DOCK5: variants seen among roughly 807,000 people sequenced by gnomAD.
DOCK5 encodes dedicator of cytokinesis 5, also known as dedicator of cytokinesis protein 5.
In DOCK5, 142 loss-of-function variants were observed where a neutral mutation model predicts 251.8. That is an observed-to-expected ratio of 0.56 (90% confidence interval 0.49 to 0.65). The LOEUF (loss-of-function observed/expected upper bound fraction) is 0.65, where lower values mean the gene tolerates loss of function less well. DOCK5 is among the 30% of genes least tolerant of loss of function. The probability of loss-of-function intolerance (pLI) is 0.00; values close to 1 mark genes in which losing one functional copy is unlikely to be tolerated. For synonymous variants in DOCK5, 842 were observed against 835.5 expected (o/e 1.01, Z -0.13); for missense variants, 2,111 against 2,312.3 (o/e 0.91, Z 1.79).
Position 25,337,926 on chromosome 8 carries a change from G to A in DOCK5, c.2327+1553G>A, listed in dbSNP as rs1362305867. ...GATAAAACAAAGGTATTAAGCATGAGTACAGTATGATCTTCCTTTTAAAAT... is the reference window on the plus strand; with the variant it reads ...GATAAAACAAAGGTATTAAGCATGAATACAGTATGATCTTCCTTTTAAAAT... On this transcript the variant is annotated intron_variant, in intron 22 of 51. Transcript: ENST00000276440. 5.3e-5 allele frequency among the ~76,000 whole-genome samples: 8 copies of A among 152,046 alleles called. 1 individual carries two copies. The highest frequency in any genetic ancestry group is 4.6e-4 in the Admixed American group (7 of 15,260).
Position 25,292,165 on chromosome 8 carries a change from G to T in DOCK5, c.463G>T (p.Gly155Trp). 2 of 1,575,724 alleles carry T rather than the reference G, an allele frequency of 1.3e-6. No homozygotes were observed. Among genetic ancestry groups the T allele is most frequent in the East Asian group, 2.3e-5 (1 of 43,224 alleles). The part of the protein sequence containing the change: ...KKKVTAKIDH[G>W]NRMLGLDLVV... ...GAAAGTCACAGCCAAAATTGATCAT[G>T]GGAACAGGTAGGTAAACCAGGGATG... is the stretch of plus-strand genomic sequence containing the variant. The change falls in exon 6 of 52, where the codon GGG becomes TGG. Residue 155 changes from glycine (G) to tryptophan (W), a missense_variant. Gly to Trp is a radical substitution (Grantham distance 184, BLOSUM62 -2). Transcript: ENST00000276440.
chr8:25,363,335 C>T (rs555116954), intron 29 of DOCK5, among the ~76,000 whole-genome samples, 194 bp downstream of exon 29: 7 of 152,308 alleles, frequency 4.6e-5, no homozygotes, highest in Admixed American at 2.0e-4. Context: ...TGCTCCACCT[C>T]GGGCTCTCTA....
chr8:25,368,438 A>T (rs1800816831), intron 32 of DOCK5, 133 bp from the exon 33 acceptor site: 1 of 1,159,184 alleles, frequency 8.6e-7, no homozygotes. Context: ...ACATGCTATC[A>T]GAATCTGAGT....
intron 22 of DOCK5, among the ~76,000 whole-genome samples, chr8:25,337,308 T>G (rs923509632): frequency 7.2e-5 from 11 of 151,972 alleles, no homozygotes; most frequent in Non-Finnish European, 4.4e-5. Context: ...TTGTCCTTGA[T>G]GAGATTGGGC....
In DOCK5 at chr8:25,410,088, G is replaced by A; in HGVS notation, c.5405-11G>A. On this transcript the variant is annotated splice_polypyrimidine_tract_variant and intron_variant, in intron 50 of 51. Transcript: ENST00000276440. ...CCTCTCTCTGCCGCCTGCACTTTCT[G>A]TCATTTCTAGGCTCCCCATCGTTGC... is the stretch of plus-strand genomic sequence containing the variant. 6.2e-7 allele frequency: 1 copy of A among 1,610,230 alleles called. No homozygotes were observed. Among genetic ancestry groups the A allele is most frequent in the Non-Finnish European group, 8.5e-7 (1 of 1,177,726 alleles).
intron 1 of DOCK5, among the ~76,000 whole-genome samples, chr8:25,215,172 A>G (rs551334790): frequency 2.0e-5 from 3 of 152,222 alleles, no homozygotes; most frequent in African/African-American, 7.2e-5. Flanking sequence ...GGCCCTAACA[A>G]TGGCTCAGCT....
Position 25,362,790 on chromosome 8 carries a change from C to T in DOCK5, c.2950-257C>T, listed in dbSNP as rs957002478. On this transcript the variant is annotated intron_variant, in intron 28 of 51. Transcript: ENST00000276440. ...TGAGTCCTTTAGTTTTTCTCAGCCT[C>T]AGTTGTACCATTTGTAAAATGTGGA... is the stretch of plus-strand genomic sequence containing the variant. Among the ~76,000 whole-genome samples, 4 of 152,132 alleles carry T rather than the reference C, an allele frequency of 2.6e-5. 1 individual carries two copies. The Middle Eastern group carries it at 9.5e-3, about 361-fold the overall frequency.
intron 2 of DOCK5, among the ~76,000 whole-genome samples, chr8:25,264,441 C>T (rs2117590128): frequency 6.6e-6 from 1 of 151,978 alleles, no homozygotes; most frequent in South Asian, 2.1e-4. Flanking sequence ...TTCCTCTTCA[C>T]TGCACCCACC....
chr8:25,307,436 A>G (rs1804973902), intron 11 of DOCK5, among the ~76,000 whole-genome samples: 1 of 152,118 alleles, frequency 6.6e-6, no homozygotes, highest in Non-Finnish European at 1.5e-5. Flanking sequence ...TTATAATCTT[A>G]TGGGACCATG....
intron 2 of DOCK5, among the ~76,000 whole-genome samples, chr8:25,257,698 T>C (rs999201703): frequency 1.3e-5 from 2 of 152,166 alleles, no homozygotes; most frequent in Non-Finnish European, 2.9e-5. Context: ...ATTGGGGTTA[T>C]ACTCTCAAAT....
Position 25,268,881 on chromosome 8 carries a change from A to T in DOCK5, c.164A>T (p.Lys55Ile). 1 of 1,560,426 alleles carries T rather than the reference A, an allele frequency of 6.4e-7. No individual in the cohort carries two copies. Among genetic ancestry groups the T allele is most frequent in the Non-Finnish European group, 8.6e-7 (1 of 1,156,582 alleles). ...YRGYTLQNKSKKGIFPETYIH... is the reference protein window; with the variant it reads ...YRGYTLQNKSIKGIFPETYIH... ...GGATATACCCTCCAAAATAAATCTAAAAAGGTATGACTTATCATTCACTTT... is the reference window on the plus strand; with the variant it reads ...GGATATACCCTCCAAAATAAATCTATAAAGGTATGACTTATCATTCACTTT... The change falls in exon 3 of 52, where the codon AAA (lysine) becomes ATA (isoleucine). Residue 55 changes from lysine to isoleucine, a missense_variant. Lys to Ile is a moderately radical substitution (Grantham distance 102, BLOSUM62 -3). Transcript: ENST00000276440.
At chr8:25,323,516 A>G (rs759973407) in intron 16 of DOCK5, among the ~76,000 whole-genome samples, 24 of 152,296 alleles carry the variant, frequency 1.6e-4, no homozygotes, top group Middle Eastern at 3.4e-3. Flanking sequence ...CAGGAAGGAC[A>G]GCAAGATGGA....
intron 2 of DOCK5, 98 bp downstream of exon 2, chr8:25,243,855 T>C: frequency 8.7e-7 from 1 of 1,152,212 alleles, no homozygotes; most frequent in Non-Finnish European, 1.3e-6. Flanking sequence ...CATGCTTGAC[T>C]TCCTGAAACA....
At position 25,341,921 on chromosome 8, in the gene DOCK5, G is replaced by A. The variant is rs1393813943; in HGVS notation, c.2510+112G>A. 1.9e-5 allele frequency: 16 copies of A among 844,528 alleles called. No individual in the cohort carries two copies. In the South Asian group the frequency reaches 2.9e-4, roughly 15 times the overall value. 52.3% of individuals were successfully genotyped at this position (844,528 alleles called of 1,614,324 possible). ...TTTATTTTTCTAAGAAGTATTAACT[G>A]AATACCTTTTTGTGCTCAGTTCTGT... On this transcript the variant is annotated intron_variant, in intron 24 of 51. Coordinates refer to ENST00000276440, the MANE Select transcript of DOCK5 (RefSeq NM_024940.8).
intron 42 of DOCK5, among the ~76,000 whole-genome samples, chr8:25,391,250 T>TAA (rs1241162300): frequency 9.9e-5 from 14 of 141,300 alleles, no homozygotes; most frequent in African/African-American, 3.7e-4. Flanking sequence ...TGTGTGTGTG[T>TAA]AAATGGGATC....
intron 41 of DOCK5, 49 bp from the exon 42 acceptor site, chr8:25,390,157 G>T: frequency 6.6e-7 from 1 of 1,504,256 alleles, no homozygotes. Flanking sequence ...TTTGGTGTCT[G>T]ACACCTTCAC....
chr8:25,290,780 T>C (rs563112749), intron 5 of DOCK5, among the ~76,000 whole-genome samples: 1 of 152,328 alleles, frequency 6.6e-6, no homozygotes, highest in Non-Finnish European at 1.5e-5. Flanking sequence ...GGGAGGCAGA[T>C]GAGCCAGTGT....
chr8:25,363,285 T>C (rs1586364011), intron 29 of DOCK5, 144 bp downstream of exon 29: 2 of 684,968 alleles, frequency 2.9e-6, no homozygotes, highest in East Asian at 5.3e-5. Context: ...GGTCCTAATT[T>C]ATGTGCTCGT....
chr8:25,194,226 G>A lies in DOCK5; in HGVS notation c.43+9275G>A, dbSNP rs544790537. 1.9e-4 allele frequency among the ~76,000 whole-genome samples: 29 copies of A among 151,852 alleles called. 1 individual carries two copies. Among genetic ancestry groups the A allele is most frequent in the African/African-American group, 5.8e-4 (24 of 41,410 alleles). On this transcript the variant is annotated intron_variant, in intron 1 of 51. Coordinates refer to ENST00000276440, the MANE Select transcript of DOCK5 (RefSeq NM_024940.8). The stretch of plus-strand genomic sequence containing the variant: ...GGAGAATTGCTTCAGCCCAGGAGGC[G>A]GAGGTTGCAGTGAGCCAAGATCACG...
Sources: allele counts gnomAD v4.1 joint callset (sites outside exome capture counted in the v4.1 genomes callset), GRCh38; gene constraint gnomAD v4.1.1; transcripts MANE v1.5; gene names NCBI Gene and HGNC (gene_info 2026-07-23, HGNC 2026-07-21).